The following CREB5 variants were observed in gnomAD, a reference collection of about 807,000 sequenced individuals.
CREB5 encodes the protein cAMP responsive element binding protein 5.
CREB5 carries 19 observed loss-of-function variants against 57.1 expected under a neutral mutation model. That is an observed-to-expected ratio of 0.33 (90% confidence interval 0.23 to 0.49). CREB5 has a LOEUF of 0.49. CREB5 is among the 20% of genes least tolerant of loss of function. The probability of loss-of-function intolerance (pLI) is 0.99; values close to 1 mark genes in which losing one functional copy is unlikely to be tolerated. For synonymous variants in CREB5, 238 were observed against 238.3 expected, an observed-to-expected ratio of 1.00 and a Z score of 0.01; for missense variants, 579 against 671.6, an observed-to-expected ratio of 0.86 and a Z score of 1.52.
chr7:28,703,706 C>T (rs1801973482), intron 5 of CREB5, among the ~76,000 whole-genome samples: 1 of 152,172 alleles, frequency 6.6e-6, no homozygotes, highest in African/African-American at 2.4e-5. Flanking sequence ...AACCTTCCTC[C>T]ACCTTTTTCT....
chr7:28,586,576 T>C (rs1254422821), intron 5 of CREB5, among the ~76,000 whole-genome samples: 1 of 152,152 alleles, frequency 6.6e-6, no homozygotes, highest in African/African-American at 2.4e-5. Context: ...TAGAGAATTA[T>C]AAGGGCGAAG....
At chr7:28,673,916 T>C (rs1356134493) in intron 5 of CREB5, among the ~76,000 whole-genome samples, 1 of 151,926 alleles carries the variant, frequency 6.6e-6, no homozygotes, top group Admixed American at 6.6e-5. Flanking sequence ...TCAAGTAATC[T>C]GCCCACCTCA....
At chr7:28,352,595 G>T (rs902230047) in intron 1 of CREB5, among the ~76,000 whole-genome samples, 2 of 152,108 alleles carry the variant, frequency 1.3e-5, no homozygotes, top group African/African-American at 4.8e-5. Flanking sequence ...CTTTGGGCTG[G>T]CTCCCTTCAA....
intron 5 of CREB5, among the ~76,000 whole-genome samples, chr7:28,593,526 G>A (rs1335292486): frequency 2.0e-5 from 3 of 152,250 alleles, no homozygotes; most frequent in Non-Finnish European, 4.4e-5. Context: ...TGGGATTACA[G>A]GTGTGAGCCA....
intron 3 of CREB5, among the ~76,000 whole-genome samples, chr7:28,504,191 T>TA (rs146176892): frequency 6.6e-6 from 1 of 152,002 alleles, no homozygotes; most frequent in African/African-American, 2.4e-5. Context: ...GTGCAGATGT[T>TA]AAAAAAAGGG....
At chr7:28,382,359 A>G (rs1028005122) in intron 1 of CREB5, among the ~76,000 whole-genome samples, 3 of 152,102 alleles carry the variant, frequency 2.0e-5, no homozygotes, top group Admixed American at 2.0e-4. Context: ...AAGCAAAACC[A>G]TCTGGGTTTC....
At chr7:28,321,369 T>C (rs1785492805) in intron 1 of CREB5, among the ~76,000 whole-genome samples, 1 of 152,124 alleles carries the variant, frequency 6.6e-6, no homozygotes, top group African/African-American at 2.4e-5. Context: ...CAGGACAAAA[T>C]GAAACTTCAG....
rs146603389 is a variant in CREB5, at chr7:28,305,708, T to C, written c.-25+6267T>C. Among the ~76,000 whole-genome samples, 555 of 149,948 alleles carry C rather than the reference T, an allele frequency of 3.7e-3. 3 individuals are homozygous for C. Among genetic ancestry groups the C allele is most frequent in the African/African-American group, 0.013 (529 of 40,230 alleles). On this transcript the variant is annotated intron_variant, in intron 1 of 9. Coordinates refer to the CREB5 transcript ENST00000396299. ...ATGGTGAATATCATCTGTCTTCTTG[T>C]TTTTCTTTTCTTTTTTTTTTTTTTT... is the stretch of plus-strand genomic sequence containing the variant.
At chr7:28,755,576 G>A (rs747006983) in intron 7 of CREB5, among the ~76,000 whole-genome samples, 1 of 152,176 alleles carries the variant, frequency 6.6e-6, no homozygotes, top group South Asian at 2.1e-4. Flanking sequence ...GGAGGGACAC[G>A]ATGAAATCAG....
chr7:28,319,234 G>A (rs1324164125), intron 1 of CREB5, among the ~76,000 whole-genome samples: 2 of 152,118 alleles, frequency 1.3e-5, no homozygotes, highest in African/African-American at 4.8e-5. Context: ...GAAGATCGGT[G>A]GGTCAAAGGG....
rs1801962893 is a variant in CREB5 at position 28,703,462 on chromosome 7, AAGAG to A, written c.465-15283_465-15280del. On this transcript the variant is annotated intron_variant, in intron 5 of 10. Transcript: ENST00000357727. ...GGGTTCTCCAGAAAAACAGACCAAA[AAGAG>A]AGAGAGATATATGGTTTATTATAAG... 5.9e-5 allele frequency among the ~76,000 whole-genome samples: 9 copies of A among 152,272 alleles called. No homozygotes were observed. In the South Asian group the frequency reaches 1.9e-3, roughly 32 times the overall value.
intron 4 of CREB5, among the ~76,000 whole-genome samples, chr7:28,511,233 A>C (rs551629096): frequency 2.1e-4 from 32 of 151,960 alleles, no homozygotes; most frequent in Admixed American, 6.5e-4. Flanking sequence ...GATGGTTAGT[A>C]GATGTGCAAG....
chr7:28,435,981 G>A (rs144902154), intron 1 of CREB5, among the ~76,000 whole-genome samples: 3 of 152,276 alleles, frequency 2.0e-5, no homozygotes, highest in African/African-American at 4.8e-5. Context: ...CAGACTGAAA[G>A]TGTCACAGAA....
chr7:28,520,561 T>C (rs372586106), intron 4 of CREB5, among the ~76,000 whole-genome samples: 6 of 152,254 alleles, frequency 3.9e-5, no homozygotes, highest in African/African-American at 1.2e-4. Context: ...CTGGGCTGAC[T>C]GTAAAATCAG....
chr7:28,361,746 T>C (rs1284033777), intron 1 of CREB5, among the ~76,000 whole-genome samples: 1 of 152,190 alleles, frequency 6.6e-6, no homozygotes, highest in African/African-American at 2.4e-5. Flanking sequence ...TTCTGTTGCT[T>C]GCAGCCAAAA....
At chr7:28,638,646 C>T (rs1798523590) in intron 5 of CREB5, among the ~76,000 whole-genome samples, 1 of 152,046 alleles carries the variant, frequency 6.6e-6, no homozygotes, top group Admixed American at 6.6e-5. Flanking sequence ...CACGCCCGGT[C>T]ACATTCTGTT....
chr7:28,549,325 G>A (rs185801492), intron 4 of CREB5, among the ~76,000 whole-genome samples: 3 of 152,300 alleles, frequency 2.0e-5, no homozygotes, highest in East Asian at 1.9e-4. Context: ...AACATATTCT[G>A]TGGCATCCCT....
At position 28,412,862 on chromosome 7, in the gene CREB5, C is replaced by A; in HGVS notation, c.-53C>A. The A allele has an allele frequency of 1.4e-6, 2 of 1,448,458 alleles. No individual in the cohort carries two copies. The highest frequency in any genetic ancestry group is 2.4e-5 in the East Asian group (1 of 41,204). 89.7% of individuals were successfully genotyped at this position (1,448,458 alleles called of 1,614,324 possible). On this transcript the variant is annotated 5_prime_UTR_variant, in exon 1 of 11. Coordinates refer to ENST00000357727, the MANE Select transcript of CREB5 (RefSeq NM_182898.4). ...TTACTAGAAAGAAAGGAAGAAAAAA[C>A]TTGATTTGGTGACTGCAGGAAGCAA...
rs558957977 is a variant in CREB5, at chr7:28,696,979, G to A, written c.465-21774G>A. Reference sequence around the variant, plus strand: ...GTTATACACACATATATATATTTGTGTGTATATATACCCATGGAAATATAT... The same window carrying A: ...GTTATACACACATATATATATTTGTATGTATATATACCCATGGAAATATAT... On this transcript the variant is annotated intron_variant, in intron 5 of 10. Coordinates refer to ENST00000357727, the MANE Select transcript of CREB5 (RefSeq NM_182898.4). 2.0e-5 allele frequency among the ~76,000 whole-genome samples: 3 copies of A among 150,760 alleles called. No individual in the cohort carries two copies. The South Asian group carries it at 6.3e-4, about 32-fold the overall frequency.
Sources: allele counts gnomAD v4.1 joint callset (sites outside exome capture counted in the v4.1 genomes callset), GRCh38; gene constraint gnomAD v4.1.1; transcripts MANE v1.5; gene names NCBI Gene and HGNC (gene_info 2026-07-23, HGNC 2026-07-21).